Variants in HELZ observed in about 807,000 individuals in gnomAD.
The protein encoded by HELZ is ATP-dependent RNA helicase with zinc finger domain.
In HELZ, 23 loss-of-function variants were observed where a neutral mutation model predicts 218.2. That is an observed-to-expected ratio of 0.11 (90% CI 0.08 to 0.15). The LOEUF (loss-of-function observed/expected upper bound fraction) is 0.15, where lower values mean the gene tolerates loss of function less well. Among genes scored for constraint, HELZ ranks in the 10% least tolerant of loss-of-function variants. HELZ has a pLI of 1.00. For missense variants in HELZ, 1,813 were observed against 2,353.7 expected, an observed-to-expected ratio of 0.77 and a Z score of 4.75; for synonymous variants, 814 against 829.4, an observed-to-expected ratio of 0.98 and a Z score of 0.32.
chr17:67,137,683 C>T (rs758764514), intron 22 of HELZ, among the ~76,000 whole-genome samples: 1 of 152,160 alleles, frequency 6.6e-6, no homozygotes, highest in Non-Finnish European at 1.5e-5. Flanking sequence ...CATACATATA[C>T]TATGTGGCAT....
At chr17:67,114,675 C>G (rs146273765) in intron 27 of HELZ, among the ~76,000 whole-genome samples, 1 of 152,304 alleles carries the variant, frequency 6.6e-6, no homozygotes, top group East Asian at 1.9e-4. Context: ...GGAAACTACC[C>G]AATCTCCAGG....
At chr17:67,177,735 AT>A (rs1424847125) in intron 13 of HELZ, among the ~76,000 whole-genome samples, 1 of 152,014 alleles carries the variant, frequency 6.6e-6, no homozygotes, top group African/African-American at 2.4e-5. Context: ...GACTTTGTAA[AT>A]TTTACATGTA....
At chr17:67,232,921 T>C (rs2041075359) in intron 3 of HELZ, among the ~76,000 whole-genome samples, 1 of 152,048 alleles carries the variant, frequency 6.6e-6, no homozygotes, top group Non-Finnish European at 1.5e-5. Flanking sequence ...ATCACTTGAG[T>C]TCAGGAGTTC....
intron 13 of HELZ, 75 bp downstream of exon 13, chr17:67,178,584 A>G: frequency 8.1e-7 from 1 of 1,238,318 alleles, no homozygotes; most frequent in South Asian, 1.5e-5. Context: ...ACTTAGGCAC[A>G]CTTTCATTTT....
At chr17:67,147,670 G>GC (rs71293574) in intron 20 of HELZ, among the ~76,000 whole-genome samples, 2 of 109,658 alleles carry the variant, frequency 1.8e-5, no homozygotes, top group East Asian at 2.4e-4. Context: ...TTGGTAGGAA[G>GC]GGGGGGTCTT....
chr17:67,080,340 T>C (rs1216159657), intron 32 of HELZ, among the ~76,000 whole-genome samples: 1 of 152,212 alleles, frequency 6.6e-6, no homozygotes, highest in Non-Finnish European at 1.5e-5. Context: ...TCTGTATCAG[T>C]ATTAAGTTTT....
intron 27 of HELZ, among the ~76,000 whole-genome samples, chr17:67,117,166 T>A (rs904548883): frequency 1.3e-5 from 2 of 152,266 alleles, no homozygotes; most frequent in East Asian, 3.9e-4. Flanking sequence ...CTGATTAACA[T>A]TTACAGAGCA....
At chr17:67,152,598 C>T (rs1219186117) in intron 17 of HELZ, among the ~76,000 whole-genome samples, 1 of 151,858 alleles carries the variant, frequency 6.6e-6, no homozygotes, top group African/African-American at 2.4e-5. Context: ...GGTGGGAATT[C>T]AGAATTTCGT....
At position 67,082,249 on chromosome 17, in the gene HELZ, A is replaced by T. The variant is rs563151768; in HGVS notation, c.5495-3663T>A. On this transcript the variant is annotated intron_variant, in intron 32 of 32. Coordinates refer to ENST00000358691, the MANE Select transcript of HELZ (RefSeq NM_014877.4). ...CAAATAGAATGAACTCAGACATTTG[A>T]TCTTCAGATATTTAGTGAGGTAGCT... Among the ~76,000 whole-genome samples, 8 of 152,356 alleles carry T rather than the reference A, an allele frequency of 5.3e-5. No individual in the cohort carries two copies. The South Asian group carries it at 1.4e-3, about 28-fold the overall frequency.
chr17:67,095,051 T>C (rs950589168), intron 31 of HELZ, among the ~76,000 whole-genome samples: 2 of 152,234 alleles, frequency 1.3e-5, no homozygotes, highest in African/African-American at 4.8e-5. Context: ...TGTTTGATGG[T>C]ATTTTACTCA....
chr17:67,226,641 G>A (rs570723090), intron 3 of HELZ, among the ~76,000 whole-genome samples: 26 of 152,020 alleles, frequency 1.7e-4, no homozygotes, highest in African/African-American at 5.5e-4. Flanking sequence ...AATCCCCTTC[G>A]CCCCTCAGAT....
At chr17:67,087,150 C>A in intron 31 of HELZ, 69 bp from the exon 32 acceptor site, 1 of 1,402,152 alleles carries the variant, frequency 7.1e-7, no homozygotes, top group Non-Finnish European at 1.0e-6. Flanking sequence ...CTTTTCACTC[C>A]ATAGCAATAT....
chr17:67,179,160 C>A (rs1214393663), intron 12 of HELZ, among the ~76,000 whole-genome samples: 1 of 151,792 alleles, frequency 6.6e-6, no homozygotes, highest in Non-Finnish European at 1.5e-5. Context: ...AACTTTTTAT[C>A]AGGCTAGGAC....
chr17:67,166,346 C>A, intron 15 of HELZ, 132 bp downstream of exon 15: 2 of 637,354 alleles, frequency 3.1e-6, no homozygotes, highest in Non-Finnish European at 5.2e-6. Flanking sequence ...TTCTTTTACT[C>A]TCCTTTCTAA....
intron 12 of HELZ, among the ~76,000 whole-genome samples, chr17:67,180,784 C>G (rs955998862): frequency 2.0e-5 from 3 of 147,280 alleles, no homozygotes; most frequent in African/African-American, 7.6e-5. Flanking sequence ...AGGCTGAGGC[C>G]GGAGAATGGC....
rs187676962 is a variant in HELZ, at chr17:67,077,308, C to G, written c.*944G>C. Reference sequence around the variant, plus strand: ...AAATTTTTACTGGAGAGAAAAAAACCCAAACCTTAAAGCGGCACAATTCTT... The same window carrying G: ...AAATTTTTACTGGAGAGAAAAAAACGCAAACCTTAAAGCGGCACAATTCTT... On this transcript the variant is annotated 3_prime_UTR_variant, in exon 33 of 33. Coordinates refer to ENST00000358691, the MANE Select transcript of HELZ (RefSeq NM_014877.4). The G allele has an allele frequency of 2.0e-5, 3 of 152,056 alleles. No individual in the cohort carries two copies. Among genetic ancestry groups the G allele is most frequent in the Non-Finnish European group, 2.9e-5 (2 of 67,844 alleles). The allele number at this position is 152,056 out of a possible 1,614,324, so 9.4% of individuals were successfully genotyped here.
At chr17:67,137,699 T>C (rs2038196314) in intron 22 of HELZ, among the ~76,000 whole-genome samples, 1 of 152,246 alleles carries the variant, frequency 6.6e-6, no homozygotes, top group Non-Finnish European at 1.5e-5. Flanking sequence ...GGCATTGATA[T>C]AATTATGGTC....
chr17:67,132,453 G>A (rs1441551141), intron 23 of HELZ, among the ~76,000 whole-genome samples: 2 of 152,222 alleles, frequency 1.3e-5, no homozygotes, highest in Admixed American at 6.5e-5. Flanking sequence ...GGGAAAGGCA[G>A]CATAACCAGA....
intron 17 of HELZ, among the ~76,000 whole-genome samples, chr17:67,155,894 A>G (rs2038826072): frequency 1.3e-5 from 2 of 151,034 alleles, no homozygotes; most frequent in East Asian, 3.9e-4. Flanking sequence ...CCAAAACCAA[A>G]TTAAGACATA....
Sources: gnomAD v4.1 joint callset for allele counts (sites outside exome capture counted in the v4.1 genomes callset) on GRCh38, gnomAD v4.1.1 for gene constraint, MANE v1.5 for transcripts, NCBI Gene and HGNC (gene_info 2026-07-23, HGNC 2026-07-21) for gene names.